POTEJ: variants seen among roughly 807,000 people sequenced by gnomAD.
POTEJ encodes the protein POTE ankyrin domain family, member J.
POTEJ carries 11 observed loss-of-function variants against 69.0 expected under a neutral mutation model. The ratio of observed to expected loss-of-function variants is 0.16; its 90% CI spans 0.10 to 0.26. POTEJ has a LOEUF of 0.26. Ranked by LOEUF, POTEJ falls within the 10% of genes least tolerant of loss-of-function variation. The pLI is 1.00. For missense variants in POTEJ, 327 were observed against 1,045.5 expected, an observed-to-expected ratio of 0.31 and a Z score of 9.48; for synonymous variants, 117 against 381.1, an observed-to-expected ratio of 0.31 and a Z score of 8.07.
intron 6 of POTEJ, among the ~76,000 whole-genome samples, chr2:130,627,287 C>T (rs1290183533): frequency 2.0e-5 from 3 of 150,914 alleles, no homozygotes; most frequent in African/African-American, 4.9e-5. Flanking sequence ...TAAGACTTGT[C>T]AAAGATCCAA....
intron 10 of POTEJ, among the ~76,000 whole-genome samples, chr2:130,639,132 G>A (rs528746001): frequency 1.3e-5 from 2 of 152,426 alleles, no homozygotes; most frequent in East Asian, 3.9e-4. Context: ...AGGAGTGGCT[G>A]TAAATACAGA....
rs1324155389 is a variant in POTEJ, at chr2:130,657,483, G to A, written c.2723G>A (p.Gly908Asp). ...GAGAAGAGCTACGAGCTGCCCGATG[G>A]CCAGGTCATCACCATCAGCAACGAG... ...SLEKSYELPD[G>D]QVITISNEWF... Residue 908 changes from glycine (G) to aspartate (D), a missense_variant, in exon 15 of 15, where the codon GGC becomes GAC. Gly to Asp is a moderately conservative substitution (Grantham distance 94). Coordinates refer to ENST00000409602, the MANE Select transcript of POTEJ (RefSeq NM_001277083.2). 4.4e-6 allele frequency: 7 copies of A among 1,574,378 alleles called. No homozygotes were observed. The highest frequency in any genetic ancestry group is 1.1e-5 in the South Asian group (1 of 90,688).
At chr2:130,614,100 T>C (rs1685339654) in intron 1 of POTEJ, among the ~76,000 whole-genome samples, 1 of 118,268 alleles carries the variant, frequency 8.5e-6, no homozygotes, top group Non-Finnish European at 1.6e-5. Flanking sequence ...GAGGTTGCAG[T>C]GAGCCGAGAT....
At chr2:130,646,462 A>T (rs1423541237) in intron 13 of POTEJ, among the ~76,000 whole-genome samples, 152 bp downstream of exon 13, 1 of 132,490 alleles carries the variant, frequency 7.5e-6, no homozygotes, top group Non-Finnish European at 1.6e-5. Context: ...GCAAACAATC[A>T]GTTACCGTTT....
At chr2:130,642,726 C>T (rs1686435522) in intron 10 of POTEJ, among the ~76,000 whole-genome samples, 1 of 152,246 alleles carries the variant, frequency 6.6e-6, no homozygotes, top group African/African-American at 2.4e-5. Flanking sequence ...AGCCCTTTTC[C>T]CTGTGTGCCC....
At position 130,624,072 on chromosome 2, in the gene POTEJ, A is replaced by G. The variant is rs1685618644; in HGVS notation, c.953A>G (p.Gln318Arg). ...TACATTTTTATACATAGAATTTGCCAGTTACTTTCTGACTACAAAGAAAAA... is the reference window on the plus strand; with the variant it reads ...TACATTTTTATACATAGAATTTGCCGGTTACTTTCTGACTACAAAGAAAAA... ...AVSSHHHVIC[Q>R]LLSDYKEKQM... The change falls in exon 6 of 15, where the codon CAG becomes CGG. Residue 318 changes from glutamine to arginine, a missense_variant. Coordinates refer to ENST00000409602, the MANE Select transcript of POTEJ (RefSeq NM_001277083.2). 2 of 1,327,374 alleles carry G rather than the reference A, an allele frequency of 1.5e-6. No individual in the cohort carries two copies. The highest frequency in any genetic ancestry group is 2.4e-5 in the Admixed American group (1 of 41,802). 82.2% of individuals were successfully genotyped at this position (1,327,374 alleles called of 1,614,324 possible).
At chr2:130,655,157 TC>T in intron 14 of POTEJ, 116 bp downstream of exon 14, 4 of 839,866 alleles carry the variant, frequency 4.8e-6, no homozygotes, top group Non-Finnish European at 7.1e-6. Context: ...ATTCTATATA[TC>T]CTTTGTCATA....
At chr2:130,612,532 G>A (rs1211577885) in intron 1 of POTEJ, among the ~76,000 whole-genome samples, 5 of 152,288 alleles carry the variant, frequency 3.3e-5, no homozygotes, top group Non-Finnish European at 4.4e-5. Context: ...TTTGGGAGGC[G>A]GGCGGATCAC....
chr2:130,623,098 A>G (rs1186694795), intron 5 of POTEJ, among the ~76,000 whole-genome samples: 4 of 138,956 alleles, frequency 2.9e-5, no homozygotes, highest in Non-Finnish European at 6.1e-5. Context: ...TTAGACCTGA[A>G]TAACATGTTC....
rs563560326 is a variant in POTEJ, at chr2:130,644,523, C to G, written c.1440+470C>G. 3.7e-3 allele frequency among the ~76,000 whole-genome samples: 567 copies of G among 152,106 alleles called. 2 individuals are homozygous for G. Among genetic ancestry groups the G allele is most frequent in the African/African-American group, 0.013 (522 of 41,314 alleles). ...TTCTTAAAATTTATTGTAATAAAAT[C>G]AGCAACCTTGTTAACAGAAGAATCA... On this transcript the variant is annotated intron_variant, in intron 11 of 14. Coordinates refer to ENST00000409602, the MANE Select transcript of POTEJ (RefSeq NM_001277083.2).
At position 130,613,690 on chromosome 2, in the gene POTEJ, C is replaced by T. The variant is rs1439169561; in HGVS notation, c.410+1748C>T. 3.7e-5 allele frequency among the ~76,000 whole-genome samples: 5 copies of T among 136,406 alleles called. 1 individual carries two copies. Among genetic ancestry groups the T allele is most frequent in the East Asian group, 4.0e-4 (2 of 5,036 alleles). 89.5% of individuals were successfully genotyped at this position (136,406 alleles called of 152,430 possible). ...TGCTGGGGTTACAGGCGTGAGCCAC[C>T]GTGCCTGGTGTATATATGCAGACAT... On this transcript the variant is annotated intron_variant, in intron 1 of 14. Coordinates refer to ENST00000409602, the MANE Select transcript of POTEJ (RefSeq NM_001277083.2).
At chr2:130,632,398 AAAT>A in intron 8 of POTEJ, 89 bp from the exon 9 acceptor site, 1 of 544,180 alleles carries the variant, frequency 1.8e-6, no homozygotes, top group Admixed American at 3.5e-5. Context: ...TTAATGACTA[AAAT>A]AATGACAAAC....
chr2:130,638,188 T>C (rs1350013646), intron 9 of POTEJ, among the ~76,000 whole-genome samples: 6 of 151,066 alleles, frequency 4.0e-5, no homozygotes, highest in Non-Finnish European at 7.4e-5. Flanking sequence ...TACTATTTCT[T>C]TGAGCATTTA....
At chr2:130,613,294 A>G (rs62164888) in intron 1 of POTEJ, among the ~76,000 whole-genome samples, 3 of 131,634 alleles carry the variant, frequency 2.3e-5, no homozygotes, top group East Asian at 2.1e-4. Context: ...ATATACATAT[A>G]TATACATATG....
chr2:130,656,844 C>T lies in POTEJ; in HGVS notation c.2084C>T (p.Pro695Leu). 1.3e-6 allele frequency: 2 copies of T among 1,593,320 alleles called. No individual in the cohort carries two copies. Among genetic ancestry groups the T allele is most frequent in the Non-Finnish European group, 1.7e-6 (2 of 1,166,968 alleles). The change falls in exon 15 of 15, where the codon CCT (proline) becomes CTT (leucine). Residue 695 changes from proline to leucine, a missense_variant. By Grantham distance (98) the Pro-to-Leu change is moderately conservative (BLOSUM62 -3). Transcript: ENST00000409602. ...GACGATGCCCCCCGGGCTGTCTTCCCTTCCATCGTGGGGTGCCCCAGGCAG... is the reference window on the plus strand; with the variant it reads ...GACGATGCCCCCCGGGCTGTCTTCCTTTCCATCGTGGGGTGCCCCAGGCAG... ...AGDDAPRAVF[P>L]SIVGCPRQQG...
At chr2:130,613,384 G>GTGTGTA (rs775956806) in intron 1 of POTEJ, among the ~76,000 whole-genome samples, 117 of 83,560 alleles carry the variant, frequency 1.4e-3, no homozygotes, top group African/African-American at 3.6e-3. Context: ...GTGTGTGTGT[G>GTGTGTA]TATATATATA....
At chr2:130,637,635 C>T (rs1686151183) in intron 9 of POTEJ, among the ~76,000 whole-genome samples, 1 of 152,244 alleles carries the variant, frequency 6.6e-6, no homozygotes, top group South Asian at 2.1e-4. Flanking sequence ...TGAGATGACA[C>T]CAGAGCCAAA....
intron 1 of POTEJ, among the ~76,000 whole-genome samples, chr2:130,615,673 G>A (rs149793390): frequency 0.011 from 1,606 of 146,812 alleles, 21 homozygotes; most frequent in Admixed American, 0.075. Flanking sequence ...TAACACCTGG[G>A]TAATGAAATA....
chr2:130,650,441 T>C (rs1686768401), intron 13 of POTEJ, among the ~76,000 whole-genome samples: 1 of 152,114 alleles, frequency 6.6e-6, no homozygotes, highest in South Asian at 2.1e-4. Context: ...TTTTTATTGT[T>C]CATTACCATA....
Sources: allele counts gnomAD v4.1 joint callset (sites outside exome capture counted in the v4.1 genomes callset), GRCh38; gene constraint gnomAD v4.1.1; transcripts MANE v1.5; gene names NCBI Gene and HGNC (gene_info 2026-07-23, HGNC 2026-07-21).